The following FRAS1 variants were observed in gnomAD, a reference collection of about 807,000 sequenced individuals.
FRAS1 encodes the protein Fraser extracellular matrix complex subunit 1, also known as extracellular matrix organizing protein FRAS1.
In FRAS1, 290 loss-of-function variants were observed where a neutral mutation model predicts 435.2. The ratio of observed to expected loss-of-function variants is 0.67; its 90% CI spans 0.61 to 0.73. The LOEUF is 0.73. FRAS1 is among the 30% of genes least tolerant of loss of function. The pLI, the probability that FRAS1 is intolerant of heterozygous loss-of-function variation, is 0.00. For synonymous variants in FRAS1, 1,800 were observed against 1,851.0 expected (o/e 0.97, Z 0.71); for missense variants, 4,860 against 5,001.5 (o/e 0.97, Z 0.85).
rs576342425 is a variant in FRAS1, at chr4:78,394,828, A to G, written c.3976-5906A>G. ...CATTTTAATAATATTAATTCTTCCAATTTATAAACATGGGATATCTTTGCA... is the reference window on the plus strand; with the variant it reads ...CATTTTAATAATATTAATTCTTCCAGTTTATAAACATGGGATATCTTTGCA... On this transcript the variant is annotated intron_variant, in intron 29 of 73. Coordinates refer to ENST00000512123, the MANE Select transcript of FRAS1 (RefSeq NM_025074.7). Among the ~76,000 whole-genome samples, 8 of 152,134 alleles carry G rather than the reference A, an allele frequency of 5.3e-5. No homozygotes were observed. The South Asian group carries it at 1.7e-3, about 32-fold the overall frequency.
At chr4:78,476,826 T>G (rs1404082888) in intron 54 of FRAS1, among the ~76,000 whole-genome samples, 1 of 152,106 alleles carries the variant, frequency 6.6e-6, no homozygotes, top group African/African-American at 2.4e-5. Context: ...TGAGTAAAAT[T>G]TTTGCAGATT....
chr4:78,445,638 C>T lies in FRAS1; in HGVS notation c.5782C>T (p.His1928Tyr). Residue 1928 changes from histidine (H) to tyrosine (Y), a missense_variant, in exon 42 of 74, where the codon CAT (histidine) becomes TAT (tyrosine). His to Tyr is a moderately conservative substitution (Grantham distance 83, BLOSUM62 2). Coordinates refer to ENST00000512123, the MANE Select transcript of FRAS1 (RefSeq NM_025074.7). ...TGTTCATGAAAGCATTGAGCCAACC[C>T]ATGATATTTTTAGTTTTTATGTGAG... is the stretch of plus-strand genomic sequence containing the variant. Reference protein sequence around the residue: ...QSVHESIEPTHDIFSFYVSDG... With the variant: ...QSVHESIEPTYDIFSFYVSDG... 1.9e-6 allele frequency: 3 copies of T among 1,613,854 alleles called. No individual in the cohort carries two copies. Among genetic ancestry groups the T allele is most frequent in the Non-Finnish European group, 2.5e-6 (3 of 1,179,804 alleles).
chr4:78,527,748 AG>A (rs1469684108), intron 70 of FRAS1, among the ~76,000 whole-genome samples: 4 of 152,190 alleles, frequency 2.6e-5, no homozygotes, highest in African/African-American at 9.7e-5. Context: ...GTTGCTATAG[AG>A]GATGCCAGAG....
intron 30 of FRAS1, among the ~76,000 whole-genome samples, chr4:78,402,383 C>T (rs1464732198): frequency 2.0e-5 from 3 of 151,620 alleles, no homozygotes; most frequent in Admixed American, 6.6e-5. Context: ...ATTGAAAAGC[C>T]ACCTAATCGA....
chr4:78,537,631 C>T (rs1299929977), intron 72 of FRAS1, among the ~76,000 whole-genome samples: 1 of 152,152 alleles, frequency 6.6e-6, no homozygotes, highest in Non-Finnish European at 1.5e-5. Context: ...AATAACCACT[C>T]ACCAAGTTTT....
intron 2 of FRAS1, among the ~76,000 whole-genome samples, chr4:78,177,934 T>A (rs1345972977): frequency 6.6e-6 from 1 of 152,164 alleles, no homozygotes; most frequent in Admixed American, 6.5e-5. Context: ...CCATAGCAAA[T>A]TTCCGCAAAC....
chr4:78,104,006 C>T lies in FRAS1; in HGVS notation c.108+37990C>T, dbSNP rs1007959975. On this transcript the variant is annotated intron_variant, in intron 2 of 73. Coordinates refer to ENST00000512123, the MANE Select transcript of FRAS1 (RefSeq NM_025074.7). Reference sequence around the variant, plus strand: ...GTTTATTGGGACCAGTAGAATGCAACATGCACTTGTAAAAAGTAGCCTCCT... The same window carrying T: ...GTTTATTGGGACCAGTAGAATGCAATATGCACTTGTAAAAAGTAGCCTCCT... Among the ~76,000 whole-genome samples, 4 of 152,220 alleles carry T rather than the reference C, an allele frequency of 2.6e-5. No homozygotes were observed. The South Asian group carries it at 8.3e-4, about 32-fold the overall frequency.
At chr4:78,277,622 C>T (rs1727117932) in intron 9 of FRAS1, among the ~76,000 whole-genome samples, 1 of 151,950 alleles carries the variant, frequency 6.6e-6, no homozygotes, top group Non-Finnish European at 1.5e-5. Flanking sequence ...GGAGATGGGA[C>T]TTCAGTGGAA....
intron 9 of FRAS1, among the ~76,000 whole-genome samples, chr4:78,272,252 TCTGTAGGTTGC>T (rs1239991088): frequency 2.6e-5 from 4 of 152,230 alleles, no homozygotes; most frequent in African/African-American, 4.8e-5. Context: ...TTTCTCTCAT[TCTGTAGGTTGC>T]CTGTTCACTC....
chr4:78,496,169 C>T (rs1720502760), intron 59 of FRAS1, among the ~76,000 whole-genome samples: 1 of 152,124 alleles, frequency 6.6e-6, no homozygotes, highest in Non-Finnish European at 1.5e-5. Context: ...AAAATACAAT[C>T]CTCAGTAGAG....
intron 50 of FRAS1, among the ~76,000 whole-genome samples, chr4:78,468,000 A>G (rs1719587282): frequency 6.6e-6 from 1 of 152,132 alleles, no homozygotes; most frequent in African/African-American, 2.4e-5. Context: ...TAGATGGCAG[A>G]TATTTTCACC....
intron 2 of FRAS1, among the ~76,000 whole-genome samples, chr4:78,099,563 C>G (rs1162378913): frequency 6.6e-6 from 1 of 152,150 alleles, no homozygotes; most frequent in Non-Finnish European, 1.5e-5. Flanking sequence ...TACTATGTTC[C>G]TGGCACTGTT....
At chr4:78,174,370 C>T (rs532350435) in intron 2 of FRAS1, among the ~76,000 whole-genome samples, 2 of 152,244 alleles carry the variant, frequency 1.3e-5, no homozygotes, top group African/African-American at 4.8e-5. Context: ...GACTTGAATG[C>T]CATTTGAATA....
chr4:78,519,292 G>T, intron 66 of FRAS1, 39 bp from the exon 67 acceptor site: 1 of 1,457,162 alleles, frequency 6.9e-7, no homozygotes, highest in Non-Finnish European at 9.0e-7. Context: ...TTCATCCCAG[G>T]GGAGAAATAA....
At chr4:78,462,309 AG>A (rs2109844410) in intron 47 of FRAS1, among the ~76,000 whole-genome samples, 1 of 152,262 alleles carries the variant, frequency 6.6e-6, no homozygotes, top group South Asian at 2.1e-4. Context: ...TGGGAGGTGA[AG>A]GTTGCAGTGA....
intron 2 of FRAS1, among the ~76,000 whole-genome samples, chr4:78,072,276 A>G (rs1290008097): frequency 1.3e-5 from 2 of 152,192 alleles, no homozygotes; most frequent in Admixed American, 1.3e-4. Flanking sequence ...AGAGCTCTTC[A>G]ATGTTAGAGT....
intron 60 of FRAS1, among the ~76,000 whole-genome samples, chr4:78,498,161 T>C (rs1170578818): frequency 6.6e-6 from 1 of 152,144 alleles, no homozygotes; most frequent in Non-Finnish European, 1.5e-5. Context: ...CGGTGGCACA[T>C]GTGGCTTGTA....
rs754694407 is a variant in FRAS1, at chr4:78,508,683, A to G, written c.9505-48A>G. ...TAAAGAAAGGGGGCTTAGTTCTCTG[A>G]CCTTGCCAATACCCAACCTGAACTG... On this transcript the variant is annotated intron_variant, in intron 62 of 73. Transcript: ENST00000512123. The G allele has an allele frequency of 4.4e-6, 7 of 1,607,118 alleles. No homozygotes were observed. In the Admixed American group the frequency reaches 1.2e-4, roughly 27 times the overall value.
chr4:78,409,249 G>A (rs1426551640), intron 31 of FRAS1, among the ~76,000 whole-genome samples: 3 of 151,392 alleles, frequency 2.0e-5, no homozygotes, highest in African/African-American at 7.3e-5. Flanking sequence ...AGGCCACTTG[G>A]AATATTTTAA....
Sources: gnomAD v4.1 joint callset for allele counts (sites outside exome capture counted in the v4.1 genomes callset) on GRCh38, gnomAD v4.1.1 for gene constraint, MANE v1.5 for transcripts, NCBI Gene and HGNC (gene_info 2026-07-23, HGNC 2026-07-21) for gene names.